LINGO2: variants seen among roughly 807,000 people sequenced by gnomAD.
LINGO2 encodes leucine rich repeat and Ig domain containing 2.
A neutral mutation model predicts 30.6 loss-of-function variants in LINGO2; 14 were observed. The ratio of observed to expected loss-of-function variants is 0.46; its 90% CI spans 0.30 to 0.72. LINGO2 has a LOEUF of 0.72. LINGO2 is among the 30% of genes least tolerant of loss of function. The pLI is 0.07. For missense variants in LINGO2, 729 were observed against 751.7 expected (o/e 0.97, Z 0.35); for synonymous variants, 317 against 288.5 (o/e 1.10, Z -1.00).
chr9:28,303,707 T>C (rs1238662087), intron 3 of LINGO2, among the ~76,000 whole-genome samples: 1 of 152,110 alleles, frequency 6.6e-6, no homozygotes, highest in Non-Finnish European at 1.5e-5. Flanking sequence ...AAAAAGGTAT[T>C]TACTCTTTAT....
the LINGO2 span, among the ~76,000 whole-genome samples, chr9:29,084,602 T>C: frequency 1.5e-4 from 23 of 151,972 alleles, no homozygotes; most frequent in Admixed American, 1.2e-3. Flanking sequence ...TTCCAATGAA[T>C]TGATATAGAA....
intron 4 of LINGO2, among the ~76,000 whole-genome samples, chr9:28,109,658 G>T (rs922356669): frequency 1.1e-4 from 17 of 152,160 alleles, no homozygotes; most frequent in African/African-American, 4.1e-4. Flanking sequence ...GCTTCAAAGA[G>T]AATAAAATAC....
At position 28,322,438 on chromosome 9, in the gene LINGO2, TACACACACACACACACAC is replaced by T. The variant is rs61397051; in HGVS notation, c.-245-27090_-245-27073del. 7.5e-4 allele frequency among the ~76,000 whole-genome samples: 113 copies of T among 150,300 alleles called. 1 individual carries two copies. Among genetic ancestry groups the T allele is most frequent in the East Asian group, 9.8e-4 (5 of 5,108 alleles). On this transcript the variant is annotated intron_variant, in intron 3 of 5. Transcript: ENST00000379992. Reference sequence around the variant, plus strand: ...GTTCCTAGACATAGTAGGCACTCAGTACACACACACACACACACACACACACACACACACACACACACG... The same window carrying T: ...GTTCCTAGACATAGTAGGCACTCAGTACACACACACACACACACACACACG...
At chr9:28,787,510 T>G in the LINGO2 span, among the ~76,000 whole-genome samples, 1 of 152,116 alleles carries the variant, frequency 6.6e-6, no homozygotes, top group Non-Finnish European at 1.5e-5. Flanking sequence ...AGGAAAACAT[T>G]GCTTGACTTC....
chr9:28,095,839 C>A (rs1563971585), intron 4 of LINGO2, among the ~76,000 whole-genome samples: 1 of 152,112 alleles, frequency 6.6e-6, no homozygotes, highest in East Asian at 1.9e-4. Context: ...TCAGAATCTA[C>A]AATGAACTCA....
intron 1 of LINGO2, among the ~76,000 whole-genome samples, chr9:28,647,087 G>A (rs1173378108): frequency 6.6e-6 from 1 of 152,030 alleles, no homozygotes; most frequent in Non-Finnish European, 1.5e-5. Flanking sequence ...CTTTGAAACA[G>A]CCTTTGCCAC....
the LINGO2 span, among the ~76,000 whole-genome samples, chr9:28,979,416 A>C: frequency 6.6e-6 from 1 of 152,076 alleles, no homozygotes; most frequent in Non-Finnish European, 1.5e-5. Context: ...CTGGGTTAAC[A>C]AAACAAAAAA....
chr9:28,491,682 A>C (rs1243792340), intron 1 of LINGO2, among the ~76,000 whole-genome samples: 1 of 152,212 alleles, frequency 6.6e-6, no homozygotes, highest in African/African-American at 2.4e-5. Context: ...ACTGTGATAT[A>C]TCAGCTACAA....
the LINGO2 span, among the ~76,000 whole-genome samples, chr9:28,853,007 G>C: frequency 6.6e-6 from 1 of 152,064 alleles, no homozygotes; most frequent in African/African-American, 2.4e-5. Flanking sequence ...GGGAAGCTGG[G>C]TCTAACAGTG....
intron 3 of LINGO2, among the ~76,000 whole-genome samples, chr9:28,308,875 C>T (rs993749067): frequency 3.9e-5 from 6 of 152,170 alleles, no homozygotes; most frequent in African/African-American, 1.4e-4. Flanking sequence ...ATCAAAACCA[C>T]AGTGAGATAC....
At chr9:28,744,631 TG>T in the LINGO2 span, among the ~76,000 whole-genome samples, 2 of 145,644 alleles carry the variant, frequency 1.4e-5, no homozygotes, top group Non-Finnish European at 1.5e-5. Flanking sequence ...TGTGTGTGTG[TG>T]TGTGTGTATT....
At chr9:28,231,348 T>C (rs10117426) in intron 4 of LINGO2, among the ~76,000 whole-genome samples, 33,895 of 151,920 alleles carry the variant, frequency 0.22, 3,994 homozygotes, top group African/African-American at 0.29. Context: ...TTTCCAAGTA[T>C]ATTTAAACTT....
chr9:28,406,634 G>A (rs563015256), intron 2 of LINGO2, among the ~76,000 whole-genome samples: 3 of 152,164 alleles, frequency 2.0e-5, no homozygotes, highest in African/African-American at 7.2e-5. Flanking sequence ...ATCTCCACCA[G>A]ATTCTGACTA....
intron 2 of LINGO2, among the ~76,000 whole-genome samples, chr9:28,424,033 G>T (rs1823309031): frequency 6.6e-6 from 1 of 151,974 alleles, no homozygotes; most frequent in African/African-American, 2.4e-5. Flanking sequence ...CTGGTATTAT[G>T]GGCTCATGCC....
chr9:29,066,330 T>C, the LINGO2 span, among the ~76,000 whole-genome samples: 1 of 151,954 alleles, frequency 6.6e-6, no homozygotes, highest in African/African-American at 2.4e-5. Context: ...GTACTAAACA[T>C]GCTGTCAGCA....
intron 5 of LINGO2, among the ~76,000 whole-genome samples, chr9:27,976,403 A>T (rs1563873687): frequency 2.0e-5 from 3 of 152,030 alleles, no homozygotes; most frequent in Non-Finnish European, 2.9e-5. Context: ...TTTCTGGGAG[A>T]AAGTGTCCCT....
chr9:28,881,946 A>T, the LINGO2 span, among the ~76,000 whole-genome samples: 12 of 152,252 alleles, frequency 7.9e-5, 1 homozygote, highest in East Asian at 2.1e-3. Context: ...TTGTCTTTTC[A>T]TTTTCAGTGG....
chr9:29,098,834 A>C, the LINGO2 span, among the ~76,000 whole-genome samples: 1 of 152,178 alleles, frequency 6.6e-6, no homozygotes, highest in Admixed American at 6.6e-5. Context: ...GTAGTAGGAC[A>C]AAAGCTAAAG....
intron 1 of LINGO2, among the ~76,000 whole-genome samples, chr9:28,514,962 AG>A (rs1820558726): frequency 6.6e-6 from 1 of 151,864 alleles, no homozygotes; most frequent in Non-Finnish European, 1.5e-5. Context: ...CCTGGATAAC[AG>A]CACATCTGTT....
Sources: gnomAD v4.1 joint callset for allele counts (sites outside exome capture counted in the v4.1 genomes callset) on GRCh38, gnomAD v4.1.1 for gene constraint, MANE v1.5 for transcripts, NCBI Gene and HGNC (gene_info 2026-07-23, HGNC 2026-07-21) for gene names.